The following LOC128462377 variants were observed in gnomAD, a reference collection of about 807,000 sequenced individuals.
At chr16:89,387,388 T>C in the LOC128462377 span, among the ~76,000 whole-genome samples, 3 of 151,950 alleles carry the variant, frequency 2.0e-5, no homozygotes, top group Admixed American at 2.0e-4. Flanking sequence ...AAGACTGTGC[T>C]TGGGCCGGGC....
At chr16:89,344,276 C>A in the LOC128462377 span, among the ~76,000 whole-genome samples, 1 of 152,156 alleles carries the variant, frequency 6.6e-6, no homozygotes, top group East Asian at 1.9e-4. Flanking sequence ...TTATTTGGAG[C>A]CTCTAACGAG....
chr16:89,319,090 A>C, the LOC128462377 span, among the ~76,000 whole-genome samples: 3 of 152,224 alleles, frequency 2.0e-5, no homozygotes, highest in Admixed American at 1.3e-4. Context: ...ACATTTTAAA[A>C]AATCCAGACT....
At chr16:89,357,354 A>G in the LOC128462377 span, among the ~76,000 whole-genome samples, 1 of 152,130 alleles carries the variant, frequency 6.6e-6, no homozygotes, top group Non-Finnish European at 1.5e-5. Context: ...AGTCTCCAGC[A>G]CCTCACAGGG....
At chr16:89,364,866 C>G in the LOC128462377 span, among the ~76,000 whole-genome samples, 1 of 152,240 alleles carries the variant, frequency 6.6e-6, no homozygotes, top group African/African-American at 2.4e-5. Context: ...GATGTTCCAA[C>G]AGCCTGGCAC....
At chr16:89,317,845 G>A in the LOC128462377 span, among the ~76,000 whole-genome samples, 54 of 152,126 alleles carry the variant, frequency 3.5e-4, 1 homozygote, top group Admixed American at 3.2e-3. Context: ...CTCTCTCAGG[G>A]CTGGCAAATT....
the LOC128462377 span, among the ~76,000 whole-genome samples, chr16:89,345,108 A>G: frequency 6.6e-6 from 1 of 152,194 alleles, no homozygotes; most frequent in Admixed American, 6.5e-5. Context: ...CACGGCCTGA[A>G]AGGGCACTAA....
chr16:89,326,655 C>A, the LOC128462377 span, among the ~76,000 whole-genome samples: 10 of 152,102 alleles, frequency 6.6e-5, no homozygotes, highest in African/African-American at 2.4e-4. Context: ...GGCAGGAAGA[C>A]CCCTTGGGCC....
the LOC128462377 span, among the ~76,000 whole-genome samples, chr16:89,408,657 C>A: frequency 2.0e-5 from 3 of 152,146 alleles, no homozygotes; most frequent in African/African-American, 7.2e-5. Flanking sequence ...CCCCTCCTCG[C>A]ACCCCCTGCC....
chr16:89,395,839 G>T, the LOC128462377 span: 3 of 152,190 alleles, frequency 2.0e-5, no homozygotes, highest in Admixed American at 2.0e-4. Flanking sequence ...TTCACTGGAG[G>T]ACTGCTGGGG....
the LOC128462377 span, among the ~76,000 whole-genome samples, chr16:89,350,232 G>A: frequency 6.6e-6 from 1 of 152,176 alleles, no homozygotes; most frequent in Admixed American, 6.6e-5. Flanking sequence ...ACGCTGGTGG[G>A]AACACAAAAC....
the LOC128462377 span, among the ~76,000 whole-genome samples, chr16:89,362,371 C>T: frequency 6.6e-6 from 1 of 152,144 alleles, no homozygotes; most frequent in South Asian, 2.1e-4. Context: ...GGAAGCAGAA[C>T]CAAAACCTGA....
chr16:89,372,559 T>C, the LOC128462377 span, among the ~76,000 whole-genome samples: 1 of 152,184 alleles, frequency 6.6e-6, no homozygotes, highest in East Asian at 1.9e-4. Flanking sequence ...CAAGATGATG[T>C]TGGAGATTTA....
At chr16:89,349,627 T>A in the LOC128462377 span, among the ~76,000 whole-genome samples, 2 of 152,172 alleles carry the variant, frequency 1.3e-5, no homozygotes, top group African/African-American at 4.8e-5. Context: ...CCTCTAACCT[T>A]ACCTTATGCC....
chr16:89,416,086 C>G, the LOC128462377 span, among the ~76,000 whole-genome samples: 1 of 152,044 alleles, frequency 6.6e-6, no homozygotes, highest in African/African-American at 2.4e-5. Flanking sequence ...CTATAGTTCA[C>G]AAAAGTGACA....
At chr16:89,328,910 CAG>C in the LOC128462377 span, 2 of 121,346 alleles carry the variant, frequency 1.6e-5, 1 homozygote, top group African/African-American at 6.8e-5. Flanking sequence ...CGGGCGAAAT[CAG>C]TGGAGGCCCC....
the LOC128462377 span, among the ~76,000 whole-genome samples, chr16:89,338,726 CA>C: frequency 6.3e-3 from 275 of 43,786 alleles, no homozygotes; most frequent in African/African-American, 0.019. Flanking sequence ...CACTCAGTCT[CA>C]AAAAAAAAAA....
At chr16:89,371,005 T>C in the LOC128462377 span, among the ~76,000 whole-genome samples, 1 of 151,966 alleles carries the variant, frequency 6.6e-6, no homozygotes. Context: ...GCTCTCCTAG[T>C]TGAGAAAAAT....
the LOC128462377 span, among the ~76,000 whole-genome samples, chr16:89,332,292 A>G: frequency 6.6e-6 from 1 of 152,220 alleles, no homozygotes; most frequent in African/African-American, 2.4e-5. Context: ...AACTCATGAG[A>G]AACACCTGGT....
the LOC128462377 span, among the ~76,000 whole-genome samples, chr16:89,333,564 T>A: frequency 6.6e-6 from 1 of 152,230 alleles, no homozygotes; most frequent in African/African-American, 2.4e-5. Context: ...CTGATCTTTG[T>A]GCTGTCTGCA....
Sources: gnomAD v4.1 joint callset for allele counts (sites outside exome capture counted in the v4.1 genomes callset) on GRCh38, gnomAD v4.1.1 for gene constraint, MANE v1.5 for transcripts.